The following TRIM36 variants were observed in gnomAD, a reference collection of about 807,000 sequenced individuals.
TRIM36 encodes tripartite motif containing 36.
TRIM36 carries 42 observed loss-of-function variants against 72.4 expected under a neutral mutation model. The ratio of observed to expected loss-of-function variants is 0.58; its 90% confidence interval spans 0.45 to 0.75. The LOEUF (loss-of-function observed/expected upper bound fraction) is 0.75, where lower values mean the gene tolerates loss of function less well. Ranked by LOEUF, TRIM36 falls within the 30% of genes least tolerant of loss-of-function variation. The pLI is 0.00. For synonymous variants in TRIM36, 315 were observed against 282.8 expected, an observed-to-expected ratio of 1.11 and a Z score of -1.14; for missense variants, 913 against 857.1, an observed-to-expected ratio of 1.07 and a Z score of -0.81.
In TRIM36 at chr5:115,126,807, T is replaced by A. The variant is rs530580192; in HGVS notation, c.1847A>T (p.Asp616Val). The stretch of plus-strand genomic sequence containing the variant: ...AACTAAGGTAAATGGTTGTGAAGAA[T>A]CAAAACAGGCATCCTCACTTCCACT... ...HDSGSEDACFDSSQPFTLVTI... is the reference protein window; with the variant it reads ...HDSGSEDACFVSSQPFTLVTI... The change falls in exon 10 of 10, where the codon GAT (aspartate) becomes GTT (valine). Residue 616 changes from aspartate (D) to valine (V), a missense_variant. Coordinates refer to ENST00000513154, the MANE Select transcript of TRIM36 (RefSeq NM_001300759.2). The A allele has an allele frequency of 2.5e-6, 4 of 1,614,090 alleles. No individual in the cohort carries two copies. The South Asian group carries it at 4.4e-5, about 18-fold the overall frequency.
Position 115,125,397 on chromosome 5 carries a change from T to C in TRIM36, c.*1106A>G, listed in dbSNP as rs997568073. ...AGTCATTGTGATCTTAGTTATCATTTCTAAGTAATTAAATTTGTATTTTTA... is the reference window on the plus strand; with the variant it reads ...AGTCATTGTGATCTTAGTTATCATTCCTAAGTAATTAAATTTGTATTTTTA... On this transcript the variant is annotated 3_prime_UTR_variant, in exon 10 of 10. Coordinates refer to ENST00000513154, the MANE Select transcript of TRIM36 (RefSeq NM_001300759.2). 1 of 152,178 alleles carries C rather than the reference T, an allele frequency of 6.6e-6. No individual in the cohort carries two copies. The highest frequency in any genetic ancestry group is 1.5e-5 in the Non-Finnish European group (1 of 67,980). 9.4% of individuals were successfully genotyped at this position (152,178 alleles called of 1,614,324 possible).
chr5:115,157,580 A>G (rs1481033838), intron 2 of TRIM36, among the ~76,000 whole-genome samples: 2 of 152,104 alleles, frequency 1.3e-5, no homozygotes, highest in Non-Finnish European at 2.9e-5. Context: ...AAAAAGTACT[A>G]AAAGTGGAAC....
chr5:115,173,522 A>ATGTGTG (rs57515389), upstream of TRIM36, among the ~76,000 whole-genome samples: 4,642 of 148,474 alleles, frequency 0.031, 232 homozygotes, highest in African/African-American at 0.11. Context: ...GTGTATTTGA[A>ATGTGTG]TGTGTGTGTG....
chr5:115,143,104 ACT>A (rs1561428689), intron 4 of TRIM36, among the ~76,000 whole-genome samples: 1 of 151,580 alleles, frequency 6.6e-6, no homozygotes, highest in African/African-American at 2.4e-5. Flanking sequence ...GTCCTCATCA[ACT>A]CTTGTGTGTG....
At chr5:115,154,233 C>G (rs1031400616) in intron 2 of TRIM36, among the ~76,000 whole-genome samples, 4 of 151,872 alleles carry the variant, frequency 2.6e-5, no homozygotes. Context: ...ATGAAAAAGT[C>G]TGAAAGAGCA....
chr5:115,168,825 C>G (rs138844784), intron 1 of TRIM36: 2 of 152,366 alleles, frequency 1.3e-5, no homozygotes, highest in African/African-American at 4.8e-5. Flanking sequence ...TAGGTTCTTA[C>G]ATTCCATTTT....
chr5:115,155,460 T>A (rs1348219361), intron 2 of TRIM36, among the ~76,000 whole-genome samples: 1 of 152,126 alleles, frequency 6.6e-6, no homozygotes, highest in African/African-American at 2.4e-5. Context: ...AAAAAGATAA[T>A]CCACCATGAT....
Position 115,176,821 on chromosome 5 carries a change from C to T in TRIM36, c.63+3154G>A, listed in dbSNP as rs1056541714. Among the ~76,000 whole-genome samples, 11 of 152,046 alleles carry T rather than the reference C, an allele frequency of 7.2e-5. No individual in the cohort carries two copies. The East Asian group carries it at 1.5e-3, about 21-fold the overall frequency. ...CCAAAGAGATTAGCTGCAAAAGAAG[C>T]GAAAAGACAGCTTTCAGAAATGGTA... is the stretch of plus-strand genomic sequence containing the variant. On this transcript the variant is annotated intron_variant, in intron 1 of 9. Coordinates refer to the TRIM36 transcript ENST00000282369.
chr5:115,136,165 C>T lies in TRIM36; in HGVS notation c.1210+835G>A, dbSNP rs184794552. Among the ~76,000 whole-genome samples, 17 of 151,452 alleles carry T rather than the reference C, an allele frequency of 1.1e-4. 1 individual carries two copies. The East Asian group carries it at 3.3e-3, about 30-fold the overall frequency. ...CATGTTGAAGTCCTAACCCCCAGTA[C>T]GTACCTCAGAATGTGACTGTATTTT... On this transcript the variant is annotated intron_variant, in intron 7 of 9. Coordinates refer to ENST00000513154, the MANE Select transcript of TRIM36 (RefSeq NM_001300759.2).
intron 3 of TRIM36, among the ~76,000 whole-genome samples, chr5:115,145,787 GA>G (rs1753560168): frequency 6.6e-6 from 1 of 152,130 alleles, no homozygotes; most frequent in Non-Finnish European, 1.5e-5. Flanking sequence ...AAAACAACTG[GA>G]AAAGGTTTCA....
rs751807189 is a variant in TRIM36, at chr5:115,126,821, C to G, written c.1833G>C (p.Glu611Asp). Residue 611 changes from glutamate (E) to aspartate (D), a missense_variant, in exon 10 of 10, where the codon GAG (glutamate) becomes GAC (aspartate). Glu to Asp is a conservative substitution (Grantham distance 45). Transcript: ENST00000513154. ...GTTGTGAAGAATCAAAACAGGCATCCTCACTTCCACTGTCATGCCCACTGT... is the reference window on the plus strand; with the variant it reads ...GTTGTGAAGAATCAAAACAGGCATCGTCACTTCCACTGTCATGCCCACTGT... ...EQDSGHDSGS[E>D]DACFDSSQPF... The G allele has an allele frequency of 6.8e-6, 11 of 1,613,842 alleles. No homozygotes were observed. Among genetic ancestry groups the G allele is most frequent in the Non-Finnish European group, 9.3e-6 (11 of 1,179,906 alleles).
At chr5:115,142,955 T>C (rs995383757) in intron 4 of TRIM36, among the ~76,000 whole-genome samples, 8 of 152,018 alleles carry the variant, frequency 5.3e-5, no homozygotes, top group African/African-American at 1.7e-4. Flanking sequence ...CCAAGAACCC[T>C]AGGGAGATGC....
chr5:115,173,583 G>C (rs915013669), upstream of TRIM36, among the ~76,000 whole-genome samples: 1 of 151,986 alleles, frequency 6.6e-6, no homozygotes, highest in South Asian at 2.1e-4. Flanking sequence ...TTAGAGGGTG[G>C]TAAACCTGTG....
In TRIM36 at chr5:115,169,874, A is replaced by G. The variant is rs1755007461; in HGVS notation, c.-240T>C. 2.3e-6 allele frequency: 3 copies of G among 1,305,624 alleles called. No homozygotes were observed. Among genetic ancestry groups the G allele is most frequent in the Non-Finnish European group, 2.9e-6 (3 of 1,026,554 alleles). The allele number at this position is 1,305,624 out of a possible 1,614,324, so 80.9% of individuals were successfully genotyped here. On this transcript the variant is annotated 5_prime_UTR_variant, in exon 1 of 10. Coordinates refer to ENST00000513154, the MANE Select transcript of TRIM36 (RefSeq NM_001300759.2). Reference sequence around the variant, plus strand: ...AGCGACTACCCCGGGAATCCCGCCCAGCTGCCGGCTGCAGCAGCGGCTCCT... The same window carrying G: ...AGCGACTACCCCGGGAATCCCGCCCGGCTGCCGGCTGCAGCAGCGGCTCCT...
At chr5:115,149,084 G>C (rs185578580) in intron 2 of TRIM36, 2 of 152,198 alleles carry the variant, frequency 1.3e-5, no homozygotes, top group Admixed American at 1.3e-4. Flanking sequence ...TTCATTTAAA[G>C]ATATTTTAAC....
intron 9 of TRIM36, among the ~76,000 whole-genome samples, chr5:115,130,183 A>AC (rs1752600407): frequency 6.6e-6 from 1 of 152,220 alleles, no homozygotes; most frequent in Non-Finnish European, 1.5e-5. Flanking sequence ...GTCTACCATG[A>AC]CCCAATTTTG....
chr5:115,144,528 T>A (rs1753469953), intron 4 of TRIM36, 70 bp downstream of exon 4: 2 of 1,580,828 alleles, frequency 1.3e-6, no homozygotes, highest in Admixed American at 3.6e-5. Flanking sequence ...CATGATTTTA[T>A]AAATGAAAAG....
rs1006733831 is a variant in TRIM36 at position 115,125,047 on chromosome 5, C to T, written c.*1456G>A. The T allele has an allele frequency of 6.6e-6, 1 of 152,468 alleles. No homozygotes were observed. The allele number at this position is 152,468 out of a possible 1,614,324, so 9.4% of individuals were successfully genotyped here. A position where few individuals can be genotyped will look rare whatever the true frequency, so the allele number is the denominator to read the frequency against. On this transcript the variant is annotated 3_prime_UTR_variant, in exon 10 of 10. Transcript: ENST00000513154. Reference sequence around the variant, plus strand: ...CAGCCTGCTAAACACTGAAGTTCTCCATGATATTTGCTACTTGAGTTGAGG... The same window carrying T: ...CAGCCTGCTAAACACTGAAGTTCTCTATGATATTTGCTACTTGAGTTGAGG...
upstream of TRIM36, chr5:115,180,219 C>A: frequency 3.5e-6 from 2 of 564,108 alleles, no homozygotes; most frequent in Non-Finnish European, 6.2e-6. Context: ...TGAAGGCCAT[C>A]GAGGGCTCCC....
Sources: gnomAD v4.1 joint callset for allele counts (sites outside exome capture counted in the v4.1 genomes callset) on GRCh38, gnomAD v4.1.1 for gene constraint, MANE v1.5 for transcripts, NCBI Gene and HGNC (gene_info 2026-07-23, HGNC 2026-07-21) for gene names.